Variants in DOP1B observed in about 807,000 individuals in gnomAD.
DOP1B encodes protein DOP1B.
In DOP1B, 174 loss-of-function variants were observed where a neutral mutation model predicts 233.5. The ratio of observed to expected loss-of-function variants is 0.75; its 90% CI spans 0.66 to 0.85. DOP1B has a LOEUF of 0.85. Among genes scored for constraint, DOP1B ranks in the 40% least tolerant of loss-of-function variants. DOP1B has a pLI of 0.00. For missense variants in DOP1B, 2,652 were observed against 2,846.6 expected, an observed-to-expected ratio of 0.93 and a Z score of 1.56; for synonymous variants, 1,190 against 1,185.6, an observed-to-expected ratio of 1.00 and a Z score of -0.08.
At chr21:36,185,312 C>A in intron 2 of DOP1B, among the ~76,000 whole-genome samples, 1 of 152,130 alleles carries the variant, frequency 6.6e-6, no homozygotes, top group East Asian at 1.9e-4. Context: ...GGAGAGTCGG[C>A]CCCACATCCT....
chr21:36,189,565 C>G (rs1042769171), intron 2 of DOP1B, among the ~76,000 whole-genome samples: 1 of 152,036 alleles, frequency 6.6e-6, no homozygotes, highest in African/African-American at 2.4e-5. Context: ...AACCCCGTAG[C>G]TGGGCGTGCT....
At position 36,199,111 on chromosome 21, in the gene DOP1B, G is replaced by A; in HGVS notation, c.180G>A (p.Arg60=). 1.2e-6 allele frequency: 2 copies of A among 1,614,004 alleles called. No homozygotes were observed. Among genetic ancestry groups the A allele is most frequent in the Non-Finnish European group, 1.7e-6 (2 of 1,179,978 alleles). ...SNLRYSLLPR[R]LLISKRLAQC... ...TGAGGTACTCCTTGTTGCCAAGACG[G>A]CTCCTCATCAGCAAAAGATTAGCTC... Residue 60 remains arginine, a synonymous_variant, in exon 3 of 37, where the codon CGG becomes CGA. Transcript: ENST00000691173.
chr21:36,190,543 C>G (rs888186778), intron 2 of DOP1B, among the ~76,000 whole-genome samples: 1 of 151,724 alleles, frequency 6.6e-6, no homozygotes, highest in African/African-American at 2.4e-5. Context: ...GATTACAGGC[C>G]TGTGCTACTA....
chr21:36,186,240 T>G (rs752945804), intron 2 of DOP1B, among the ~76,000 whole-genome samples: 17 of 152,022 alleles, frequency 1.1e-4, no homozygotes, highest in Non-Finnish European at 2.1e-4. Flanking sequence ...ATCTAGCATG[T>G]GGATTCTTGA....
intron 5 of DOP1B, 83 bp from the exon 6 acceptor site, chr21:36,211,470 C>G: frequency 7.6e-7 from 1 of 1,311,576 alleles, no homozygotes; most frequent in Non-Finnish European, 1.1e-6. Flanking sequence ...GCAGGAGTTT[C>G]AAGATTCCCG....
intron 4 of DOP1B, among the ~76,000 whole-genome samples, chr21:36,201,043 A>G (rs937872219): frequency 1.7e-4 from 26 of 152,182 alleles, no homozygotes; most frequent in African/African-American, 6.3e-4. Flanking sequence ...TAGCTCATTA[A>G]TAAGGGAGAC....
rs754542077 is a variant in DOP1B at position 36,289,202 on chromosome 21, C to G, written c.6511C>G (p.Gln2171Glu). The change falls in exon 35 of 37, where the codon CAA (glutamine) becomes GAA (glutamate). Residue 2171 changes from glutamine to glutamate, a missense_variant. By Grantham distance (29) the Gln-to-Glu change is conservative. This residue lies in a region of DOP1B where 2,617 missense variants were observed against 2,794.3 expected (regional missense o/e 0.94). Coordinates refer to ENST00000691173, the MANE Select transcript of DOP1B (RefSeq NM_001320714.2). ...TCCACCTGACAAGATGCCATTATTT[C>G]AAATGTAAGTCAGATAGGATCGTGT... ...SFPPDKMPLF[Q>E]IYRWAFIPEV... 13 of 1,613,112 alleles carry G rather than the reference C, an allele frequency of 8.1e-6. No homozygotes were observed. In the African/African-American group the frequency reaches 9.3e-5, roughly 12 times the overall value.
intron 2 of DOP1B, among the ~76,000 whole-genome samples, chr21:36,189,902 TG>T (rs1569009730): frequency 1.4e-5 from 2 of 146,466 alleles, no homozygotes; most frequent in East Asian, 4.1e-4. Flanking sequence ...CCCAGCTACC[TG>T]GGAGACTGAG....
intron 2 of DOP1B, among the ~76,000 whole-genome samples, chr21:36,171,227 A>G (rs1440751332): frequency 6.6e-6 from 1 of 152,150 alleles, no homozygotes; most frequent in Non-Finnish European, 1.5e-5. Context: ...TAGCTTACGT[A>G]AGGGGAAAGG....
At chr21:36,201,442 G>C (rs1205622746) in intron 4 of DOP1B, among the ~76,000 whole-genome samples, 3 of 140,678 alleles carry the variant, frequency 2.1e-5, no homozygotes, top group African/African-American at 8.2e-5. Flanking sequence ...CCGCCTCCTG[G>C]GTTCAAGTGA....
chr21:36,166,626 G>A (rs1163909525), intron 2 of DOP1B, among the ~76,000 whole-genome samples: 1 of 152,060 alleles, frequency 6.6e-6, no homozygotes, highest in Non-Finnish European at 1.5e-5. Flanking sequence ...ATGATATCTG[G>A]GCTTAGATAA....
intron 25 of DOP1B, 26 bp downstream of exon 25, chr21:36,263,676 T>C (rs1269790458): frequency 2.2e-5 from 35 of 1,613,324 alleles, no homozygotes; most frequent in Non-Finnish European, 2.8e-5. Flanking sequence ...ATTGTCATTG[T>C]GTAATATTTT....
chr21:36,182,144 C>T (rs2066106386), intron 2 of DOP1B, among the ~76,000 whole-genome samples: 3 of 152,060 alleles, frequency 2.0e-5, no homozygotes, highest in African/African-American at 7.2e-5. Context: ...TAATCTAATT[C>T]CGATTTGTGG....
rs1295694730 is a variant in DOP1B, at chr21:36,164,953, A to G, written c.138+82A>G. ...TATTATTATAAGAAATTACATGATT[A>G]TATTATTTGTATTTTATAATCTTTA... On this transcript the variant is annotated intron_variant, in intron 2 of 36. Coordinates refer to ENST00000691173, the MANE Select transcript of DOP1B (RefSeq NM_001320714.2). 4 of 1,222,122 alleles carry G rather than the reference A, an allele frequency of 3.3e-6. No individual in the cohort carries two copies. The African/African-American group carries it at 4.8e-5, about 15-fold the overall frequency. 75.7% of individuals were successfully genotyped at this position (1,222,122 alleles called of 1,614,324 possible). A position where few individuals can be genotyped will look rare whatever the true frequency, so the allele number is the denominator to read the frequency against.
intron 10 of DOP1B, among the ~76,000 whole-genome samples, chr21:36,219,857 A>G (rs1377446796): frequency 3.3e-5 from 5 of 151,382 alleles, no homozygotes; most frequent in African/African-American, 1.2e-4. Flanking sequence ...TACAGGGCAG[A>G]GAGAACAGAG....
intron 2 of DOP1B, among the ~76,000 whole-genome samples, chr21:36,197,748 G>T (rs149622647): frequency 6.6e-6 from 1 of 152,188 alleles, no homozygotes; most frequent in Non-Finnish European, 1.5e-5. Context: ...AGTGGCTCAC[G>T]GCTGTAATCC....
intron 22 of DOP1B, 119 bp from the exon 23 acceptor site, chr21:36,253,650 AAAG>A (rs2067056814): frequency 1.7e-6 from 2 of 1,202,374 alleles, no homozygotes; most frequent in East Asian, 2.5e-5. Context: ...AAAAAAAAAA[AAAG>A]AGATGAAAAC....
At chr21:36,284,854 CATT>C (rs2067464775) in intron 32 of DOP1B, among the ~76,000 whole-genome samples, 2 of 149,744 alleles carry the variant, frequency 1.3e-5, no homozygotes, top group South Asian at 4.2e-4. Context: ...AATTATATGA[CATT>C]GTAACATGTA....
chr21:36,186,224 T>G (rs1601393103), intron 2 of DOP1B, among the ~76,000 whole-genome samples: 1 of 152,106 alleles, frequency 6.6e-6, no homozygotes, highest in East Asian at 1.9e-4. Context: ...AAGAAGTAAT[T>G]TTCTGATCTA....
Sources: allele counts gnomAD v4.1 joint callset (sites outside exome capture counted in the v4.1 genomes callset), GRCh38; gene constraint gnomAD v4.1.1; regional missense constraint gnomAD v4.1.1; transcripts MANE v1.5; gene names NCBI Gene and HGNC (gene_info 2026-07-23, HGNC 2026-07-21).